The following NKAIN3 variants were observed in gnomAD, a reference collection of about 807,000 sequenced individuals.
The protein encoded by NKAIN3 is sodium/potassium transporting ATPase interacting 3, also known as sodium/potassium-transporting ATPase subunit beta-1-interacting protein 3.
Under a neutral mutation model 30.2 loss-of-function variants are expected in NKAIN3, and 25 were observed. The ratio of observed to expected loss-of-function variants is 0.83; its 90% CI spans 0.60 to 1.16. The LOEUF (loss-of-function observed/expected upper bound fraction) is 1.16, where lower values mean the gene tolerates loss of function less well. Among genes scored for constraint, NKAIN3 ranks in the 50% most tolerant of loss-of-function variants. The probability of loss-of-function intolerance (pLI) is 0.00; values close to 1 mark genes in which losing one functional copy is unlikely to be tolerated. For missense variants in NKAIN3, 225 were observed against 254.1 expected, an observed-to-expected ratio of 0.89 and a Z score of 0.78; for synonymous variants, 91 against 89.6, an observed-to-expected ratio of 1.02 and a Z score of -0.09.
At chr8:62,608,871 G>GA (rs1428160877) in intron 3 of NKAIN3, among the ~76,000 whole-genome samples, 1 of 151,972 alleles carries the variant, frequency 6.6e-6, no homozygotes, top group Non-Finnish European at 1.5e-5. Context: ...TTCATAGGGG[G>GA]AAAAATGTCC....
intron 1 of NKAIN3, among the ~76,000 whole-genome samples, chr8:62,264,020 G>C (rs1563911330): frequency 6.6e-6 from 1 of 152,070 alleles, no homozygotes; most frequent in Non-Finnish European, 1.5e-5. Context: ...AATATATGTA[G>C]CAATCCACTG....
intron 3 of NKAIN3, among the ~76,000 whole-genome samples, chr8:62,715,243 T>G (rs1814857006): frequency 6.6e-6 from 1 of 152,126 alleles, no homozygotes; most frequent in East Asian, 1.9e-4. Flanking sequence ...CAGTTCAATA[T>G]GAGATTTGGG....
intron 3 of NKAIN3, among the ~76,000 whole-genome samples, chr8:62,706,932 A>G (rs1021880374): frequency 2.0e-5 from 3 of 151,996 alleles, no homozygotes; most frequent in East Asian, 1.9e-4. Flanking sequence ...AGAACGTACG[A>G]CATTTGAGTG....
chr8:62,909,509 T>C (rs1322671930), intron 4 of NKAIN3, among the ~76,000 whole-genome samples: 3 of 152,170 alleles, frequency 2.0e-5, no homozygotes, highest in Non-Finnish European at 4.4e-5. Flanking sequence ...GTGTTTGTTA[T>C]TGGCAAGAAT....
intron 3 of NKAIN3, among the ~76,000 whole-genome samples, chr8:62,592,199 T>A (rs1259861726): frequency 6.6e-6 from 1 of 152,038 alleles, no homozygotes; most frequent in East Asian, 1.9e-4. Flanking sequence ...GGTGTTCTTT[T>A]GCTGACAATT....
At chr8:62,820,898 C>G (rs536266004) in intron 4 of NKAIN3, among the ~76,000 whole-genome samples, 5 of 152,104 alleles carry the variant, frequency 3.3e-5, no homozygotes, top group African/African-American at 1.2e-4. Context: ...TCTACAAAGC[C>G]TTTATTTTTG....
At chr8:62,788,590 T>C (rs911004622) in intron 4 of NKAIN3, among the ~76,000 whole-genome samples, 22 of 152,220 alleles carry the variant, frequency 1.4e-4, no homozygotes, top group Non-Finnish European at 2.6e-4. Flanking sequence ...TTTGGTGTTT[T>C]AGACATGAAG....
chr8:62,447,569 A>C (rs1346328695), intron 1 of NKAIN3, among the ~76,000 whole-genome samples: 3 of 152,070 alleles, frequency 2.0e-5, no homozygotes, highest in African/African-American at 7.2e-5. Flanking sequence ...GGACACAATA[A>C]AAATGAATTT....
At chr8:62,289,555 A>T (rs58404080) in intron 1 of NKAIN3, among the ~76,000 whole-genome samples, 2,532 of 152,176 alleles carry the variant, frequency 0.017, 62 homozygotes, top group African/African-American at 0.055. Context: ...ATGGGTGCAG[A>T]TGTGTGGTAT....
chr8:62,654,174 A>AG (rs930309481), intron 3 of NKAIN3, among the ~76,000 whole-genome samples: 1 of 152,008 alleles, frequency 6.6e-6, no homozygotes, highest in African/African-American at 2.4e-5. Context: ...TAATGCAAAA[A>AG]AAAACTACAA....
intron 1 of NKAIN3, among the ~76,000 whole-genome samples, chr8:62,531,113 C>T (rs1230296341): frequency 2.6e-5 from 4 of 152,056 alleles, no homozygotes; most frequent in African/African-American, 9.7e-5. Context: ...GAGCCACAGT[C>T]GGGGGCCTGA....
At chr8:62,376,188 A>G (rs1817077593) in intron 1 of NKAIN3, among the ~76,000 whole-genome samples, 1 of 152,166 alleles carries the variant, frequency 6.6e-6, no homozygotes, top group East Asian at 1.9e-4. Flanking sequence ...TTATTCCTGA[A>G]TCTATGTGCT....
chr8:62,623,355 G>A (rs777420877), intron 3 of NKAIN3, among the ~76,000 whole-genome samples: 2 of 151,958 alleles, frequency 1.3e-5, no homozygotes, highest in Non-Finnish European at 2.9e-5. Context: ...TTTCTTCCTA[G>A]GAAAATGTAA....
chr8:62,631,917 T>C (rs1257784459), intron 3 of NKAIN3, among the ~76,000 whole-genome samples: 1 of 152,194 alleles, frequency 6.6e-6, no homozygotes, highest in Non-Finnish European at 1.5e-5. Context: ...GTCTTATCGA[T>C]GCTTTAATCA....
intron 3 of NKAIN3, among the ~76,000 whole-genome samples, chr8:62,707,263 A>G (rs768378211): frequency 2.8e-4 from 42 of 152,068 alleles, no homozygotes; most frequent in Non-Finnish European, 5.3e-4. Context: ...ATTGTTGAAT[A>G]AAATGGTAGT....
chr8:62,639,437 C>A (rs1366518068), intron 3 of NKAIN3, among the ~76,000 whole-genome samples: 1 of 152,014 alleles, frequency 6.6e-6, no homozygotes, highest in Non-Finnish European at 1.5e-5. Flanking sequence ...GAATCCCTCT[C>A]AACAAAGAGA....
intron 1 of NKAIN3, among the ~76,000 whole-genome samples, chr8:62,577,410 C>T (rs16929202): frequency 0.088 from 13,123 of 149,278 alleles, 605 homozygotes; most frequent in East Asian, 0.16. Context: ...GAAAGTTCAC[C>T]TTAAAGCTTT....
intron 3 of NKAIN3, among the ~76,000 whole-genome samples, chr8:62,684,508 A>G (rs951400633): frequency 6.6e-6 from 1 of 152,192 alleles, no homozygotes; most frequent in Non-Finnish European, 1.5e-5. Context: ...ATGTAAAGCC[A>G]TGCTGCTGAG....
intron 4 of NKAIN3, among the ~76,000 whole-genome samples, chr8:62,780,895 T>A (rs1045557166): frequency 1.1e-4 from 17 of 152,026 alleles, no homozygotes; most frequent in Admixed American, 4.6e-4. Context: ...AGATGCCCAT[T>A]TTCACCACTC....
Sources: allele counts gnomAD v4.1 joint callset (sites outside exome capture counted in the v4.1 genomes callset), GRCh38; gene constraint gnomAD v4.1.1; transcripts MANE v1.5; gene names NCBI Gene and HGNC (gene_info 2026-07-23, HGNC 2026-07-21).